UVRAG: variants seen among roughly 807,000 people sequenced by gnomAD.
The protein encoded by UVRAG is UV radiation resistance-associated gene protein.
UVRAG carries 19 observed loss-of-function variants against 78.0 expected under a neutral mutation model. That is an observed-to-expected ratio of 0.24 (90% CI 0.17 to 0.36). The LOEUF (loss-of-function observed/expected upper bound fraction) is 0.36. UVRAG is among the 10% of genes least tolerant of loss of function. The pLI is 1.00. For missense variants in UVRAG, 740 were observed against 853.8 expected, an observed-to-expected ratio of 0.87 and a Z score of 1.66; for synonymous variants, 323 against 324.6, an observed-to-expected ratio of 1.00 and a Z score of 0.05.
intron 1 of UVRAG, among the ~76,000 whole-genome samples, chr11:75,850,831 G>C (rs557183494): frequency 3.7e-4 from 56 of 152,176 alleles, no homozygotes; most frequent in Non-Finnish European, 7.1e-4. Context: ...TTCATACTTA[G>C]AGGATTAAAC....
intron 6 of UVRAG, among the ~76,000 whole-genome samples, chr11:75,948,783 TAGAGTA>T (rs1948629001): frequency 6.6e-6 from 1 of 152,142 alleles, no homozygotes; most frequent in African/African-American, 2.4e-5. Flanking sequence ...TTAGAGGGCC[TAGAGTA>T]TCTAAAAGGT....
intron 3 of UVRAG, among the ~76,000 whole-genome samples, chr11:75,876,030 A>AAAGG (rs1398039807): frequency 3.0e-5 from 4 of 132,394 alleles, no homozygotes; most frequent in African/African-American, 1.3e-4. Flanking sequence ...AAAAAAAGAA[A>AAAGG]AAGAATGTGA....
chr11:75,879,805 T>C (rs1946897474), intron 3 of UVRAG, 74 bp from the exon 4 acceptor site: 12 of 1,544,322 alleles, frequency 7.8e-6, no homozygotes, highest in Non-Finnish European at 9.6e-6. Context: ...AAAAACAAAA[T>C]GATTTGTCAC....
chr11:75,877,357 C>G (rs926092958), intron 3 of UVRAG, among the ~76,000 whole-genome samples: 1 of 152,164 alleles, frequency 6.6e-6, no homozygotes, highest in African/African-American at 2.4e-5. Flanking sequence ...TCTCAATGAG[C>G]TGTTGGGCAC....
intron 12 of UVRAG, among the ~76,000 whole-genome samples, chr11:76,019,577 G>T (rs1425159961): frequency 6.6e-6 from 1 of 152,234 alleles, no homozygotes; most frequent in Non-Finnish European, 1.5e-5. Context: ...TAACACTGTG[G>T]TTCTTGCAGT....
chr11:76,067,275 C>T (rs1050624851), intron 13 of UVRAG, among the ~76,000 whole-genome samples: 1 of 152,192 alleles, frequency 6.6e-6, no homozygotes, highest in African/African-American at 2.4e-5. Flanking sequence ...CAGTCTCTGG[C>T]CCATGACTCA....
intron 12 of UVRAG, among the ~76,000 whole-genome samples, chr11:76,062,356 T>C (rs1006522435): frequency 6.6e-6 from 1 of 152,210 alleles, no homozygotes; most frequent in Admixed American, 6.5e-5. Context: ...ACTGAATACA[T>C]GTGCATTGTT....
At chr11:76,096,116 G>A (rs1951781719) in intron 13 of UVRAG, among the ~76,000 whole-genome samples, 1 of 152,142 alleles carries the variant, frequency 6.6e-6, no homozygotes, top group Admixed American at 6.6e-5. Context: ...ACCATGCAAG[G>A]CAGCTAAGAT....
At chr11:75,839,752 G>A (rs1192965951) in intron 1 of UVRAG, among the ~76,000 whole-genome samples, 1 of 151,064 alleles carries the variant, frequency 6.6e-6, no homozygotes, top group Non-Finnish European at 1.5e-5. Context: ...TTTTATATAT[G>A]AATATATTCA....
intron 5 of UVRAG, among the ~76,000 whole-genome samples, chr11:75,893,937 A>G (rs1322080280): frequency 6.6e-6 from 1 of 152,126 alleles, no homozygotes; most frequent in Non-Finnish European, 1.5e-5. Flanking sequence ...GAACCACTGC[A>G]CCTGTCAGGG....
intron 5 of UVRAG, among the ~76,000 whole-genome samples, chr11:75,906,646 C>A (rs557334342): frequency 2.0e-5 from 3 of 152,146 alleles, no homozygotes; most frequent in Non-Finnish European, 4.4e-5. Context: ...CCGTGCCTGG[C>A]CAGCTTTATG....
chr11:75,854,659 TG>T (rs1946245254), intron 2 of UVRAG, among the ~76,000 whole-genome samples: 1 of 152,164 alleles, frequency 6.6e-6, no homozygotes, highest in Admixed American at 6.5e-5. Context: ...TCAAGTGACC[TG>T]CCCATCTTAG....
intron 13 of UVRAG, among the ~76,000 whole-genome samples, chr11:76,086,158 C>T (rs1951585915): frequency 6.6e-6 from 1 of 152,210 alleles, no homozygotes; most frequent in Non-Finnish European, 1.5e-5. Flanking sequence ...GTTAATGGAA[C>T]TATATAAGAC....
intron 1 of UVRAG, among the ~76,000 whole-genome samples, chr11:75,845,728 G>A (rs1026768180): frequency 2.6e-5 from 4 of 152,098 alleles, no homozygotes; most frequent in African/African-American, 9.7e-5. Flanking sequence ...AAGAGGGTGA[G>A]GATTTAAAAA....
At chr11:76,135,069 C>CT (rs1952577117) in intron 14 of UVRAG, among the ~76,000 whole-genome samples, 1 of 152,174 alleles carries the variant, frequency 6.6e-6, no homozygotes, top group African/African-American at 2.4e-5. Flanking sequence ...GAGAATCTAA[C>CT]TAACGCCTGA....
At chr11:76,097,887 G>A (rs1951814062) in intron 13 of UVRAG, among the ~76,000 whole-genome samples, 1 of 152,058 alleles carries the variant, frequency 6.6e-6, no homozygotes, top group Non-Finnish European at 1.5e-5. Context: ...ACCGCCTATA[G>A]TTTTATATCC....
intron 1 of UVRAG, among the ~76,000 whole-genome samples, chr11:75,824,257 G>A (rs562487794): frequency 6.6e-6 from 1 of 152,048 alleles, no homozygotes; most frequent in African/African-American, 2.4e-5. Flanking sequence ...TGCTGGTTTG[G>A]CTCTTATAAA....
chr11:75,850,292 T>C (rs546615381), intron 1 of UVRAG, among the ~76,000 whole-genome samples: 4 of 152,304 alleles, frequency 2.6e-5, no homozygotes, highest in South Asian at 4.1e-4. Flanking sequence ...TCAATTTCAA[T>C]TGGAAAATCA....
chr11:76,089,466 G>A (rs1247664802), intron 13 of UVRAG, among the ~76,000 whole-genome samples: 1 of 152,092 alleles, frequency 6.6e-6, no homozygotes, highest in African/African-American at 2.4e-5. Context: ...CATATTGACA[G>A]TATAGGAGAG....
Sources: allele counts gnomAD v4.1 joint callset (sites outside exome capture counted in the v4.1 genomes callset), GRCh38; gene constraint gnomAD v4.1.1; transcripts MANE v1.5; gene names NCBI Gene and HGNC (gene_info 2026-07-23, HGNC 2026-07-21).